The following KMT2C variants were observed in gnomAD, a reference collection of about 807,000 sequenced individuals.
KMT2C encodes the protein histone-lysine N-methyltransferase 2C.
In KMT2C, 88 loss-of-function variants were observed where a neutral mutation model predicts 507.9. The observed-to-expected ratio is 0.17, with a 90% CI of 0.15 to 0.21. The LOEUF is 0.21. Ranked by LOEUF, KMT2C falls within the 10% of genes least tolerant of loss-of-function variation. The pLI is 1.00. For missense variants in KMT2C, 4,954 were observed against 5,957.8 expected (o/e 0.83, Z 5.55); for synonymous variants, 2,049 against 2,080.8 (o/e 0.98, Z 0.42).
At chr7:152,429,762 G>C (rs1589998293) in intron 1 of KMT2C, among the ~76,000 whole-genome samples, 1 of 151,288 alleles carries the variant, frequency 6.6e-6, no homozygotes, top group African/African-American at 2.4e-5. Flanking sequence ...CTTGTGATCC[G>C]CCCACCTCAG....
rs190737213 is a variant in KMT2C at position 152,302,605 on chromosome 7, T to C, written c.849+7361A>G. 1.4e-3 allele frequency among the ~76,000 whole-genome samples: 218 copies of C among 152,244 alleles called. 1 individual carries two copies. The highest frequency in any genetic ancestry group is 0.01 in the Middle Eastern group (3 of 294). ...TCTTTTTGGGGGGCAATACTGGGAA[T>C]AGAAGAGAAAGGAGCTTCCTTTCCC... On this transcript the variant is annotated intron_variant, in intron 6 of 58. Transcript: ENST00000262189.
At chr7:152,380,945 A>T (rs2097368597) in intron 1 of KMT2C, among the ~76,000 whole-genome samples, 1 of 152,260 alleles carries the variant, frequency 6.6e-6, no homozygotes, top group Non-Finnish European at 1.5e-5. Context: ...CGAAACTGGA[A>T]CATAATTTAG....
At chr7:152,277,303 T>C (rs2096099859) in intron 6 of KMT2C, among the ~76,000 whole-genome samples, 1 of 152,064 alleles carries the variant, frequency 6.6e-6, no homozygotes, top group African/African-American at 2.4e-5. Flanking sequence ...CAGGATGCAG[T>C]AATAAAGAAC....
chr7:152,140,159 A>G (rs1248041154), intron 55 of KMT2C, among the ~76,000 whole-genome samples: 1 of 152,160 alleles, frequency 6.6e-6, no homozygotes, highest in African/African-American at 2.4e-5. Flanking sequence ...CCCCAATACT[A>G]TTTCAAAAAA....
At chr7:152,235,091 A>C (rs1159525076) in intron 16 of KMT2C, among the ~76,000 whole-genome samples, 2 of 152,076 alleles carry the variant, frequency 1.3e-5, no homozygotes, top group African/African-American at 4.8e-5. Flanking sequence ...AATGCAAACT[A>C]ATCTTGGGGA....
intron 13 of KMT2C, among the ~76,000 whole-genome samples, chr7:152,249,669 C>T (rs568069792): frequency 1.6e-5 from 2 of 126,274 alleles, no homozygotes; most frequent in Non-Finnish European, 3.2e-5. Context: ...TGACCTCCCC[C>T]CTCCAAAAAA....
intron 33 of KMT2C, among the ~76,000 whole-genome samples, chr7:152,186,259 T>C (rs973726491): frequency 5.9e-5 from 9 of 152,230 alleles, no homozygotes; most frequent in African/African-American, 2.2e-4. Flanking sequence ...TTTAACACAG[T>C]ATTTCATGAG....
chr7:152,179,769 C>G, intron 37 of KMT2C, 65 bp downstream of exon 37: 1 of 1,474,678 alleles, frequency 6.8e-7, no homozygotes, highest in South Asian at 1.2e-5. Context: ...CACAAGCCAC[C>G]ACACCCAGCT....
At chr7:152,334,793 CAAT>C (rs1370225957) in intron 2 of KMT2C, among the ~76,000 whole-genome samples, 1 of 152,162 alleles carries the variant, frequency 6.6e-6, no homozygotes, top group Admixed American at 6.5e-5. Flanking sequence ...GGTCAACAAA[CAAT>C]AATATGGAGC....
At chr7:152,155,640 A>G (rs945536847) in intron 46 of KMT2C, among the ~76,000 whole-genome samples, 65 of 152,186 alleles carry the variant, frequency 4.3e-4, no homozygotes, top group African/African-American at 1.5e-3. Context: ...CATGTCTATT[A>G]GATTATTTAA....
intron 4 of KMT2C, among the ~76,000 whole-genome samples, 185 bp downstream of exon 4, chr7:152,314,953 T>C (rs1175698034): frequency 2.0e-5 from 3 of 152,022 alleles, no homozygotes; most frequent in African/African-American, 7.3e-5. Flanking sequence ...ACAAGAAAAA[T>C]TTGTGAAAAG....
rs550432649 is a variant in KMT2C at position 152,321,820 on chromosome 7, T to C, written c.390-6482A>G. ...TATGTTCATGGACTGGAAGAATTAA[T>C]ACTGTGAAACTAACTGTCCATACTA... On this transcript the variant is annotated intron_variant, in intron 3 of 58. Coordinates refer to ENST00000262189, the MANE Select transcript of KMT2C (RefSeq NM_170606.3). 8.6e-5 allele frequency among the ~76,000 whole-genome samples: 13 copies of C among 152,010 alleles called. No individual in the cohort carries two copies. The South Asian group carries it at 2.7e-3, about 31-fold the overall frequency.
intron 23 of KMT2C, among the ~76,000 whole-genome samples, chr7:152,215,670 GAACAA>G (rs1374020557): frequency 7.5e-6 from 1 of 133,210 alleles, no homozygotes; most frequent in Non-Finnish European, 1.5e-5. Context: ...AAGACAAAAG[GAACAA>G]AATATATATA....
At chr7:152,316,032 G>A (rs143303655) in intron 3 of KMT2C, among the ~76,000 whole-genome samples, 2,737 of 152,182 alleles carry the variant, frequency 0.018, 37 homozygotes, top group Non-Finnish European at 0.026. Flanking sequence ...TTGATAGAAC[G>A]TTCATTATGC....
At position 152,176,422 on chromosome 7, in the gene KMT2C, T is replaced by C. The variant is rs2129113028; in HGVS notation, c.9031A>G (p.Thr3011Ala). 1 of 1,614,172 alleles carries C rather than the reference T, an allele frequency of 6.2e-7. No individual in the cohort carries two copies. Among genetic ancestry groups the C allele is most frequent in the Non-Finnish European group, 8.5e-7 (1 of 1,180,034 alleles). ...NHSLGTGKPA[T>A]QTGPQTSQSG... Reference sequence around the variant, plus strand: ...TGACTTGTTTGAGGCCCAGTTTGAGTTGCAGGTTTTCCTGTCCCCAGACTG... The same window carrying C: ...TGACTTGTTTGAGGCCCAGTTTGAGCTGCAGGTTTTCCTGTCCCCAGACTG... The change falls in exon 38 of 59, where the codon ACT becomes GCT. Residue 3011 changes from threonine (T) to alanine (A), a missense_variant. Thr to Ala is a moderately conservative substitution (Grantham distance 58, BLOSUM62 0). This residue lies in a region of KMT2C where 1,689 missense variants were observed against 1,654.3 expected (regional missense o/e 1.02). Coordinates refer to ENST00000262189, the MANE Select transcript of KMT2C (RefSeq NM_170606.3).
intron 11 of KMT2C, 52 bp from the exon 12 acceptor site, chr7:152,251,018 T>C (rs748436970): frequency 3.9e-5 from 39 of 987,818 alleles, no homozygotes; most frequent in Non-Finnish European, 6.2e-5. Flanking sequence ...TTTTCTTTGT[T>C]CATTAAGTCA....
In KMT2C at chr7:152,267,763, T is replaced by C. The variant is rs1178824937; in HGVS notation, c.1013-2554A>G. On this transcript the variant is annotated intron_variant, in intron 7 of 58. Transcript: ENST00000262189. ...TCTGTATAAATTAAAACTCCACCAA[T>C]ACCTCATTTTTCACCTAAAAGAAAA... is the stretch of plus-strand genomic sequence containing the variant. Among the ~76,000 whole-genome samples, 16 of 152,140 alleles carry C rather than the reference T, an allele frequency of 1.1e-4. 1 individual carries two copies. The highest frequency in any genetic ancestry group is 1.0e-3 in the Admixed American group (16 of 15,268).
At chr7:152,278,859 G>C (rs1170500344) in intron 6 of KMT2C, among the ~76,000 whole-genome samples, 55 of 148,164 alleles carry the variant, frequency 3.7e-4, no homozygotes, top group Admixed American at 8.1e-4. Context: ...AAGCTGAGTA[G>C]AAATAACATG....
chr7:152,386,020 G>A (rs1018568282), intron 1 of KMT2C, among the ~76,000 whole-genome samples: 66 of 151,586 alleles, frequency 4.4e-4, no homozygotes, highest in African/African-American at 1.5e-3. Context: ...CCTGAGAGGC[G>A]AGGTTGCAGT....
Sources: gnomAD v4.1 joint callset for allele counts (sites outside exome capture counted in the v4.1 genomes callset) on GRCh38, gnomAD v4.1.1 for gene constraint, gnomAD v4.1.1 regional missense constraint, MANE v1.5 for transcripts, NCBI Gene and HGNC (gene_info 2026-07-23, HGNC 2026-07-21) for gene names.